Variants in ZNF227 observed in about 807,000 individuals in gnomAD.
ZNF227 encodes the protein zinc finger protein 227.
A neutral mutation model predicts 13.2 loss-of-function variants in ZNF227; 12 were observed. That is an observed-to-expected ratio of 0.91 (90% CI 0.58 to 1.47). The LOEUF (loss-of-function observed/expected upper bound fraction) is 1.47. ZNF227 is among the 40% of genes most tolerant of loss of function. The probability of loss-of-function intolerance (pLI) is 0.00; values close to 1 mark genes in which losing one functional copy is unlikely to be tolerated. For missense variants in ZNF227, 885 were observed against 967.5 expected (o/e 0.91, Z 1.13); for synonymous variants, 338 against 326.0 (o/e 1.04, Z -0.40).
chr19:44,222,992 A>G (rs558066388), intron 3 of ZNF227, among the ~76,000 whole-genome samples: 91 of 152,100 alleles, frequency 6.0e-4, no homozygotes, highest in African/African-American at 2.0e-3. Context: ...GAATTTTGTC[A>G]AAGGCCTTTT....
chr19:44,234,773 T>C lies in ZNF227; in HGVS notation c.343T>C (p.Ser115Pro). Residue 115 changes from serine (S) to proline (P), a missense_variant, in exon 6 of 6, where the codon TCC becomes CCC. Physicochemically the swap from Ser to Pro is moderately conservative, Grantham distance 74. Transcript: ENST00000313040. ...ALKYLSNQELSCWQIWKQVAS... is the reference protein window; with the variant it reads ...ALKYLSNQELPCWQIWKQVAS... ...AAAATACCTTTCAAATCAAGAGCTG[T>C]CCTGCTGGCAAATCTGGAAACAGGT... 1 of 1,613,432 alleles carries C rather than the reference T, an allele frequency of 6.2e-7. No individual in the cohort carries two copies. The highest frequency in any genetic ancestry group is 8.5e-7 in the Non-Finnish European group (1 of 1,179,872).
upstream of ZNF227, among the ~76,000 whole-genome samples, chr19:44,211,899 CTTTTTTTTTTTTTT>C (rs1971390224): frequency 1.5e-5 from 1 of 65,448 alleles, no homozygotes; most frequent in East Asian, 4.7e-4. Context: ...TTTTTTTTTT[CTTTTTTTTTTTTTT>C]GAGACAGAGT....
chr19:44,210,273 T>G (rs1231762245), upstream of ZNF227, among the ~76,000 whole-genome samples: 1 of 152,340 alleles, frequency 6.6e-6, no homozygotes, highest in East Asian at 1.9e-4. Context: ...ATCCATAATT[T>G]ATGTGTCCTG....
At chr19:44,222,083 C>T (rs1021509022) in intron 3 of ZNF227, among the ~76,000 whole-genome samples, 5 of 151,908 alleles carry the variant, frequency 3.3e-5, no homozygotes, top group Admixed American at 6.6e-5. Context: ...AGATCTGTGG[C>T]GTTATTTCTG....
intron 1 of ZNF227, chr19:44,212,802 T>A (rs1175739967): frequency 6.6e-6 from 1 of 152,200 alleles, no homozygotes; most frequent in Admixed American, 6.5e-5. Context: ...TGATCCGCGC[T>A]CCTGTTTCCT....
chr19:44,224,510 C>T (rs1972889820), intron 3 of ZNF227, among the ~76,000 whole-genome samples: 1 of 152,168 alleles, frequency 6.6e-6, no homozygotes, highest in African/African-American at 2.4e-5. Context: ...GATCCCTTTA[C>T]CATTATGTAA....
chr19:44,236,898 G>A lies in ZNF227; in HGVS notation c.*68G>A, dbSNP rs1051927326. On this transcript the variant is annotated 3_prime_UTR_variant, in exon 6 of 6. Transcript: ENST00000313040. ...TCAAGTTTTTGGCTAGTCCATGCTGGTGGTAAACCCTGTAAAACTACTGAG... is the reference window on the plus strand; with the variant it reads ...TCAAGTTTTTGGCTAGTCCATGCTGATGGTAAACCCTGTAAAACTACTGAG... The A allele has an allele frequency of 1.7e-5, 23 of 1,338,760 alleles. No individual in the cohort carries two copies. Among genetic ancestry groups the A allele is most frequent in the Non-Finnish European group, 2.2e-5 (22 of 984,230 alleles). The allele number at this position is 1,338,760 out of a possible 1,614,324, so 82.9% of individuals were successfully genotyped here.
At chr19:44,229,269 C>T (rs1438672442) in intron 4 of ZNF227, among the ~76,000 whole-genome samples, 1 of 152,162 alleles carries the variant, frequency 6.6e-6, no homozygotes, top group Non-Finnish European at 1.5e-5. Flanking sequence ...AACTAGGCTA[C>T]AACCTAAATT....
chr19:44,234,008 G>A (rs73934498), intron 5 of ZNF227, among the ~76,000 whole-genome samples: 2 of 152,150 alleles, frequency 1.3e-5, no homozygotes, highest in Non-Finnish European at 2.9e-5. Flanking sequence ...TGAAGGGAGC[G>A]AGAGAACAAG....
rs767845111 is a variant in ZNF227, at chr19:44,235,015, T to C, written c.585T>C (p.Ile195=). The change falls in exon 6 of 6, where the codon ATT becomes ATC. Residue 195 remains isoleucine (I), a synonymous_variant. Transcript: ENST00000313040. The stretch of plus-strand genomic sequence containing the variant: ...AGATTCAGAGTAGAGGTAAGCAAAT[T>C]GATGTGAAAAATAACCTGCAAATAC... ...ESQIQSRGKQ[I]DVKNNLQIHE... is the part of the protein sequence containing the mutation. 15 of 1,613,974 alleles carry C rather than the reference T, an allele frequency of 9.3e-6. No homozygotes were observed. The South Asian group carries it at 1.4e-4, about 15-fold the overall frequency.
rs575630802 is a variant in ZNF227 at position 44,228,803 on chromosome 19, T to G, written c.187+231T>G. On this transcript the variant is annotated intron_variant, in intron 4 of 5. Coordinates refer to ENST00000313040, the MANE Select transcript of ZNF227 (RefSeq NM_182490.3). ...GGGTGATTTCGCCCCCAGAAGATAT[T>G]TGGCAATGTCTGGAAATGGTTGTCA... The G allele has an allele frequency of 8.6e-5, 42 of 489,388 alleles. 1 individual carries two copies. In the South Asian group the frequency reaches 2.1e-3, roughly 25 times the overall value. The allele number at this position is 489,388 out of a possible 1,614,324, so 30.3% of individuals were successfully genotyped here.
intron 5 of ZNF227, among the ~76,000 whole-genome samples, chr19:44,233,533 T>C (rs1262675677): frequency 2.6e-5 from 4 of 152,108 alleles, no homozygotes; most frequent in African/African-American, 9.7e-5. Flanking sequence ...CAAAGGAAAG[T>C]ATATAGTAAA....
intron 3 of ZNF227, among the ~76,000 whole-genome samples, chr19:44,225,505 A>C (rs1385727922): frequency 6.6e-6 from 1 of 151,822 alleles, no homozygotes; most frequent in African/African-American, 2.4e-5. Context: ...TTCTCGCTTC[A>C]TTTCATTCAT....
chr19:44,226,701 G>A (rs745677476), intron 3 of ZNF227, among the ~76,000 whole-genome samples: 1 of 152,178 alleles, frequency 6.6e-6, no homozygotes, highest in Non-Finnish European at 1.5e-5. Context: ...CTAGGAAAGG[G>A]AACTCCTTGA....
Position 44,235,915 on chromosome 19 carries a change from G to A in ZNF227, c.1485G>A (p.Lys495=). Residue 495 remains lysine (K), a synonymous_variant, in exon 6 of 6, where the codon AAG becomes AAA. Coordinates refer to ENST00000313040, the MANE Select transcript of ZNF227 (RefSeq NM_182490.3). ...VHTGEKPYKC[K]ECGKGFSQAS... is the part of the protein sequence containing the mutation. The stretch of plus-strand genomic sequence containing the variant: ...CGGGAGAGAAACCCTATAAATGTAA[G>A]GAGTGTGGTAAGGGCTTCAGTCAGG... 1 of 1,613,508 alleles carries A rather than the reference G, an allele frequency of 6.2e-7. No homozygotes were observed.
chr19:44,218,482 G>A (rs1262659751), intron 3 of ZNF227, among the ~76,000 whole-genome samples: 1 of 152,194 alleles, frequency 6.6e-6, no homozygotes, highest in Non-Finnish European at 1.5e-5. Flanking sequence ...AACATCTAAA[G>A]AATGACATGG....
chr19:44,212,940 A>T (rs1971484502), intron 1 of ZNF227, 150 bp from the exon 2 acceptor site: 1 of 152,272 alleles, frequency 6.6e-6, no homozygotes, highest in Non-Finnish European at 1.5e-5. Flanking sequence ...TGCTATTGAT[A>T]CAGTGATTCC....
intron 5 of ZNF227, among the ~76,000 whole-genome samples, chr19:44,232,612 T>A (rs1225989112): frequency 1.3e-5 from 2 of 152,138 alleles, no homozygotes; most frequent in Non-Finnish European, 2.9e-5. Context: ...CATTGGATAA[T>A]CTAGGATAAT....
chr19:44,212,757 T>C (rs1971468525), intron 1 of ZNF227, 172 bp downstream of exon 1: 1 of 152,242 alleles, frequency 6.6e-6, no homozygotes, highest in Admixed American at 6.5e-5. Context: ...GCAGCGCCGC[T>C]AGTTCTGTGG....
Sources: gnomAD v4.1 joint callset for allele counts (sites outside exome capture counted in the v4.1 genomes callset) on GRCh38, gnomAD v4.1.1 for gene constraint, MANE v1.5 for transcripts, NCBI Gene and HGNC (gene_info 2026-07-23, HGNC 2026-07-21) for gene names.